TBC1D5: variants seen among roughly 807,000 people sequenced by gnomAD.
The protein encoded by TBC1D5 is TBC1 domain family, member 5.
TBC1D5 carries 75 observed loss-of-function variants against 100.3 expected under a neutral mutation model. The observed-to-expected ratio is 0.75, with a 90% confidence interval of 0.62 to 0.91. TBC1D5 has a LOEUF of 0.91. TBC1D5 is among the 40% of genes least tolerant of loss of function. The probability of loss-of-function intolerance (pLI) is 0.00; values close to 1 mark genes in which losing one functional copy is unlikely to be tolerated. For synonymous variants in TBC1D5, 323 were observed against 325.6 expected (o/e 0.99, Z 0.09); for missense variants, 910 against 942.4 (o/e 0.97, Z 0.45).
intron 3 of TBC1D5, among the ~76,000 whole-genome samples, chr3:17,487,684 A>G (rs2095587538): frequency 6.6e-6 from 1 of 152,196 alleles, no homozygotes; most frequent in African/African-American, 2.4e-5. Flanking sequence ...TGAGTATTCA[A>G]CATATTTCAA....
intron 3 of TBC1D5, among the ~76,000 whole-genome samples, chr3:17,429,445 ACTC>A (rs1462343556): frequency 6.6e-6 from 1 of 151,816 alleles, no homozygotes; most frequent in Non-Finnish European, 1.5e-5. Context: ...TATATTTTAT[ACTC>A]CTAATTTATA....
intron 1 of TBC1D5, among the ~76,000 whole-genome samples, chr3:17,644,522 ATGAG>A (rs2064831823): frequency 6.6e-6 from 1 of 152,172 alleles, no homozygotes; most frequent in Non-Finnish European, 1.5e-5. Context: ...ACAAATATTA[ATGAG>A]TAAGTACTGA....
intron 3 of TBC1D5, among the ~76,000 whole-genome samples, chr3:17,454,523 G>A (rs769307768): frequency 2.6e-5 from 4 of 151,664 alleles, no homozygotes; most frequent in Non-Finnish European, 5.9e-5. Flanking sequence ...GCAGTGGTAC[G>A]ATCTCGGCTC....
rs368155499 is a variant in TBC1D5, at chr3:17,479,994, T to G, written c.97+28480A>C. ...GGGGTCCCAGGAAGCCCCTTGTCCC[T>G]GCAGCTTTGAAAGTGCCTGATCCTG... On this transcript the variant is annotated intron_variant, in intron 3 of 21. Coordinates refer to ENST00000253692, the Ensembl canonical transcript of TBC1D5. Among the ~76,000 whole-genome samples, 19 of 152,336 alleles carry G rather than the reference T, an allele frequency of 1.2e-4. No homozygotes were observed. In the South Asian group the frequency reaches 3.9e-3, roughly 32 times the overall value.
chr3:17,352,691 A>C (rs80286526), intron 13 of TBC1D5, among the ~76,000 whole-genome samples: 10,984 of 149,516 alleles, frequency 0.073, 593 homozygotes, highest in Non-Finnish European at 0.091. Flanking sequence ...GGCAAAAAAA[A>C]AAAAAAAACA....
intron 3 of TBC1D5, among the ~76,000 whole-genome samples, chr3:17,464,673 C>G (rs186381403): frequency 6.6e-6 from 1 of 152,236 alleles, no homozygotes; most frequent in South Asian, 2.1e-4. Flanking sequence ...TTGACACTTA[C>G]GGTTTTCACC....
chr3:17,585,417 T>G (rs1302857287), intron 2 of TBC1D5, among the ~76,000 whole-genome samples: 2 of 152,188 alleles, frequency 1.3e-5, no homozygotes, highest in African/African-American at 4.8e-5. Flanking sequence ...GACATGATTA[T>G]ATCAAAAATT....
At chr3:17,705,841 G>C (rs1483870702) in intron 1 of TBC1D5, among the ~76,000 whole-genome samples, 1 of 151,294 alleles carries the variant, frequency 6.6e-6, no homozygotes, top group Non-Finnish European at 1.5e-5. Context: ...CTTCCCAGAC[G>C]GGGTGGCGGC....
chr3:17,676,095 C>A (rs1039299687), intron 1 of TBC1D5, among the ~76,000 whole-genome samples: 9 of 151,846 alleles, frequency 5.9e-5, no homozygotes, highest in Non-Finnish European at 2.9e-5. Context: ...TCTCTGATTA[C>A]CCCAGGATGA....
chr3:17,653,926 G>T (rs978573185), intron 1 of TBC1D5, among the ~76,000 whole-genome samples: 6 of 152,138 alleles, frequency 3.9e-5, no homozygotes, highest in African/African-American at 1.4e-4. Context: ...TAAATTAAGT[G>T]AATAAGGATT....
At chr3:17,579,747 G>A (rs2096681300) in intron 2 of TBC1D5, among the ~76,000 whole-genome samples, 1 of 152,076 alleles carries the variant, frequency 6.6e-6, no homozygotes, top group Non-Finnish European at 1.5e-5. Context: ...TAATTCTCCA[G>A]TTAGCTGAGT....
At chr3:17,510,991 T>C (rs2095898356) in intron 2 of TBC1D5, among the ~76,000 whole-genome samples, 1 of 151,910 alleles carries the variant, frequency 6.6e-6, no homozygotes, top group Non-Finnish European at 1.5e-5. Flanking sequence ...CCTACATTAA[T>C]TTGGCTCTAA....
chr3:17,234,842 C>T (rs2733499), intron 17 of TBC1D5, among the ~76,000 whole-genome samples: 60,160 of 151,842 alleles, frequency 0.4, 12,639 homozygotes, highest in Middle Eastern at 0.49. Context: ...CCAGCTAATC[C>T]GGAAACTGTT....
At chr3:17,688,763 T>C (rs1560469314) in intron 1 of TBC1D5, among the ~76,000 whole-genome samples, 1 of 152,250 alleles carries the variant, frequency 6.6e-6, no homozygotes, top group South Asian at 2.1e-4. Flanking sequence ...TTGATTACTT[T>C]GCTCATCTCA....
intron 1 of TBC1D5, among the ~76,000 whole-genome samples, chr3:17,679,232 A>G (rs2069115598): frequency 6.6e-6 from 1 of 151,382 alleles, no homozygotes; most frequent in African/African-American, 2.5e-5. Context: ...TGAAGTTTGT[A>G]TAATGCAACA....
intron 13 of TBC1D5, among the ~76,000 whole-genome samples, chr3:17,319,849 G>A (rs1279699329): frequency 1.3e-5 from 2 of 152,116 alleles, no homozygotes; most frequent in East Asian, 1.9e-4. Flanking sequence ...CAGCCTGGGC[G>A]ACACAGCGAG....
chr3:17,658,596 G>A (rs191345397), intron 1 of TBC1D5, among the ~76,000 whole-genome samples: 5 of 152,266 alleles, frequency 3.3e-5, no homozygotes, highest in East Asian at 1.9e-4. Flanking sequence ...ATTAAATCAC[G>A]TGGCAAGAAA....
intron 1 of TBC1D5, among the ~76,000 whole-genome samples, chr3:17,655,678 G>A (rs972058864): frequency 5.3e-5 from 8 of 151,902 alleles, no homozygotes; most frequent in East Asian, 1.9e-4. Flanking sequence ...CTTTTTGAAC[G>A]CTGATGTGAT....
At chr3:17,324,187 C>A (rs1186605793) in intron 13 of TBC1D5, among the ~76,000 whole-genome samples, 1 of 152,132 alleles carries the variant, frequency 6.6e-6, no homozygotes, top group Non-Finnish European at 1.5e-5. Flanking sequence ...GGATAACAGG[C>A]CTAAGGGCAA....
Sources: gnomAD v4.1 joint callset for allele counts (sites outside exome capture counted in the v4.1 genomes callset) on GRCh38, gnomAD v4.1.1 for gene constraint, MANE v1.5 for transcripts, NCBI Gene and HGNC (gene_info 2026-07-23, HGNC 2026-07-21) for gene names.